CACNA1C: variants seen among roughly 807,000 people sequenced by gnomAD.
The protein encoded by CACNA1C is calcium voltage-gated channel subunit alpha1 C, also known as voltage-dependent L-type calcium channel subunit alpha-1C.
CACNA1C carries 30 observed loss-of-function variants against 229.0 expected under a neutral mutation model. That is an observed-to-expected ratio of 0.13 (90% CI 0.10 to 0.18). CACNA1C has a LOEUF of 0.18. Among genes scored for constraint, CACNA1C ranks in the 10% least tolerant of loss-of-function variants. The pLI, the probability that CACNA1C is intolerant of heterozygous loss-of-function variation, is 1.00. For synonymous variants in CACNA1C, 1,114 were observed against 1,132.5 expected (o/e 0.98, Z 0.33); for missense variants, 1,658 against 2,845.0 (o/e 0.58, Z 9.49).
rs1601746508 is a variant in CACNA1C at position 2,602,846 on chromosome 12, G to A, written c.2960+886G>A. Among the ~76,000 whole-genome samples, 4 of 152,122 alleles carry A rather than the reference G, an allele frequency of 2.6e-5. No homozygotes were observed. The highest frequency in any genetic ancestry group is 2.6e-4 in the Admixed American group (4 of 15,270). On this transcript the variant is annotated intron_variant, in intron 22 of 46. Transcript: ENST00000399655. This position sits in a 1 kb window ranked among gnomAD's most constrained non-coding sequence, Gnocchi z 4.4. ...TGAATCCTACACTTTAACTTTCAAA[G>A]CACTTCCACATACACATTCTTCTGT...
At chr12:2,434,996 C>T (rs993548456) in intron 3 of CACNA1C, among the ~76,000 whole-genome samples, 2 of 152,218 alleles carry the variant, frequency 1.3e-5, no homozygotes, top group Non-Finnish European at 2.9e-5. Context: ...GATGTTAGGT[C>T]CCAGATACAA....
At chr12:2,564,403 A>G (rs2049168815) in intron 11 of CACNA1C, among the ~76,000 whole-genome samples, 1 of 152,200 alleles carries the variant, frequency 6.6e-6, no homozygotes, top group Admixed American at 6.5e-5. Flanking sequence ...ATTCATAGAA[A>G]GGAGATCATT....
At chr12:2,415,891 G>A (rs530384219) in intron 3 of CACNA1C, among the ~76,000 whole-genome samples, 164 of 152,036 alleles carry the variant, frequency 1.1e-3, no homozygotes, top group Non-Finnish European at 1.8e-3. Flanking sequence ...CCCCTTCCCC[G>A]CATTTCCCGG....
At chr12:2,635,369 CAT>C (rs1326595414) in intron 30 of CACNA1C, among the ~76,000 whole-genome samples, 4 of 152,212 alleles carry the variant, frequency 2.6e-5, no homozygotes, top group Admixed American at 1.3e-4. Context: ...CGGTCTTTAA[CAT>C]GTGTTGTTTA....
At position 2,687,969 on chromosome 12, in the gene CACNA1C, C is replaced by G. The variant is rs116022964; in HGVS notation, c.5785-478C>G. ...CTAAAACCACAAATACTGGTTTTCC[C>G]AACTCTTTGTGAGGTGCACAGCGCT... On this transcript the variant is annotated intron_variant, in intron 45 of 46. Coordinates refer to ENST00000399655, the MANE Select transcript of CACNA1C (RefSeq NM_000719.7). Among the ~76,000 whole-genome samples, 550 of 152,356 alleles carry G rather than the reference C, an allele frequency of 3.6e-3. 1 individual carries two copies. Among genetic ancestry groups the G allele is most frequent in the African/African-American group, 0.012 (513 of 41,578 alleles).
Position 2,597,195 on chromosome 12 carries a change from A to C in CACNA1C, c.2794-35A>C. On this transcript the variant is annotated intron_variant, in intron 20 of 46. Coordinates refer to ENST00000399655, the MANE Select transcript of CACNA1C (RefSeq NM_000719.7). The surrounding 1 kb of genome is among the most constrained non-coding windows in gnomAD (Gnocchi z 4.3). The stretch of plus-strand genomic sequence containing the variant: ...CCCGTCCTGCTTTTCTCCCTTCCCC[A>C]TCCCATCCCCACCCTGTTCCTTTTT... The C allele has an allele frequency of 1.0e-5, 14 of 1,346,642 alleles. No individual in the cohort carries two copies. Among genetic ancestry groups the C allele is most frequent in the Non-Finnish European group, 1.5e-5 (14 of 939,968 alleles). The allele number at this position is 1,346,642 out of a possible 1,614,324, so 83.4% of individuals were successfully genotyped here. A position where few individuals can be genotyped will look rare whatever the true frequency, so the allele number is the denominator to read the frequency against.
At chr12:2,222,937 C>T (rs921747346) in intron 3 of CACNA1C, among the ~76,000 whole-genome samples, 5 of 152,160 alleles carry the variant, frequency 3.3e-5, no homozygotes, top group African/African-American at 9.7e-5. Context: ...GGAATAAGGA[C>T]AAAGGAGAAA....
chr12:1,973,056 A>G (rs1002341435), intron 1 of CACNA1C, among the ~76,000 whole-genome samples: 2 of 152,204 alleles, frequency 1.3e-5, no homozygotes, highest in Non-Finnish European at 2.9e-5. Context: ...TTCCTCCGGC[A>G]TGTTCTCTAA....
At chr12:2,530,142 A>G (rs977142845) in intron 9 of CACNA1C, among the ~76,000 whole-genome samples, 1 of 152,252 alleles carries the variant, frequency 6.6e-6, no homozygotes, top group African/African-American at 2.4e-5. Context: ...TAAATAGAGA[A>G]CAGCATCTAA....
intron 3 of CACNA1C, among the ~76,000 whole-genome samples, chr12:2,314,383 G>C (rs963915781): frequency 6.6e-6 from 1 of 152,110 alleles, no homozygotes; most frequent in Non-Finnish European, 1.5e-5. Flanking sequence ...GCACACAGAC[G>C]GCAAAATGCA....
chr12:2,421,256 A>C (rs1193710522), intron 3 of CACNA1C, among the ~76,000 whole-genome samples: 1 of 152,256 alleles, frequency 6.6e-6, no homozygotes, highest in Non-Finnish European at 1.5e-5. Flanking sequence ...TAATCTGCCC[A>C]ATTAACCTCT....
At position 2,229,547 on chromosome 12, in the gene CACNA1C, G is replaced by A. The variant is rs902219980; in HGVS notation, c.477+109117G>A. Among the ~76,000 whole-genome samples, 4 of 152,324 alleles carry A rather than the reference G, an allele frequency of 2.6e-5. No homozygotes were observed. The South Asian group carries it at 8.3e-4, about 32-fold the overall frequency. ...GAATAAAATAAGTTAAACACACTTT[G>A]TTGGGTGGCAGTAGGGGCTGTGGAG... is the stretch of plus-strand genomic sequence containing the variant. On this transcript the variant is annotated intron_variant, in intron 3 of 46. Coordinates refer to ENST00000399655, the MANE Select transcript of CACNA1C (RefSeq NM_000719.7).
At chr12:2,093,397 C>G (rs1048238694) in intron 1 of CACNA1C, among the ~76,000 whole-genome samples, 2 of 152,184 alleles carry the variant, frequency 1.3e-5, no homozygotes, top group Non-Finnish European at 2.9e-5. Flanking sequence ...TGGAATGAGA[C>G]AGGACTCTGC....
At chr12:2,216,310 A>C (rs2154343868) in intron 3 of CACNA1C, among the ~76,000 whole-genome samples, 1 of 152,246 alleles carries the variant, frequency 6.6e-6, no homozygotes, top group Admixed American at 6.5e-5. Flanking sequence ...TAATTACCTG[A>C]AGGACTGAGT....
intron 3 of CACNA1C, among the ~76,000 whole-genome samples, chr12:2,135,344 T>C (rs1160612356): frequency 6.8e-6 from 1 of 146,922 alleles, no homozygotes; most frequent in African/African-American, 2.6e-5. Flanking sequence ...GTTCTGTTGC[T>C]GGTGAGGAGC....
intron 3 of CACNA1C, among the ~76,000 whole-genome samples, chr12:2,178,106 G>A (rs568027558): frequency 2.4e-4 from 37 of 152,354 alleles, no homozygotes; most frequent in African/African-American, 8.9e-4. Flanking sequence ...GAAGGAAGCA[G>A]ATTCTCCAAG....
intron 3 of CACNA1C, among the ~76,000 whole-genome samples, chr12:2,349,481 C>T (rs965686034): frequency 5.9e-5 from 9 of 152,166 alleles, no homozygotes; most frequent in Non-Finnish European, 1.2e-4. Context: ...CAGATGCTTG[C>T]CTCTGCCAGC....
rs2153564355 is a variant in CACNA1C at position 2,632,859 on chromosome 12, C to T, written c.3829-1438C>T. On this transcript the variant is annotated intron_variant, in intron 29 of 46. Transcript: ENST00000399655. The surrounding 1 kb of genome is among the most constrained non-coding windows in gnomAD (Gnocchi z 4.1). ...AGCCTCAGAAAGCCCTGTCAAGAGC[C>T]ACATAACACACTCCCGGAGTAGGAG... Among the ~76,000 whole-genome samples, 1 of 152,268 alleles carries T rather than the reference C, an allele frequency of 6.6e-6. No homozygotes were observed. Among genetic ancestry groups the T allele is most frequent in the South Asian group, 2.1e-4 (1 of 4,816 alleles).
At chr12:2,194,847 C>A (rs985160606) in intron 3 of CACNA1C, among the ~76,000 whole-genome samples, 2 of 152,144 alleles carry the variant, frequency 1.3e-5, no homozygotes, top group African/African-American at 4.8e-5. Flanking sequence ...TACCCTGCAT[C>A]CGTATTGGAA....
Sources: gnomAD v4.1 joint callset for allele counts (sites outside exome capture counted in the v4.1 genomes callset) on GRCh38, gnomAD v4.1.1 for gene constraint, Gnocchi (gnomAD v3.1) non-coding constraint, MANE v1.5 for transcripts, NCBI Gene and HGNC (gene_info 2026-07-23, HGNC 2026-07-21) for gene names.